Variants in AKAP6 observed in about 807,000 individuals in gnomAD.
AKAP6 encodes A-kinase anchor protein 6.
AKAP6 carries 58 observed loss-of-function variants against 188.5 expected under a neutral mutation model. That is an observed-to-expected ratio of 0.31 (90% confidence interval 0.25 to 0.38). The LOEUF (loss-of-function observed/expected upper bound fraction) is 0.38. Among genes scored for constraint, AKAP6 ranks in the 10% least tolerant of loss-of-function variants. The pLI is 1.00. For synonymous variants in AKAP6, 989 were observed against 998.6 expected, an observed-to-expected ratio of 0.99 and a Z score of 0.18; for missense variants, 2,710 against 2,740.0, an observed-to-expected ratio of 0.99 and a Z score of 0.24.
intron 2 of AKAP6, among the ~76,000 whole-genome samples, chr14:32,463,917 C>G (rs1878233194): frequency 1.3e-5 from 2 of 152,096 alleles, no homozygotes. Context: ...GGGATATAAC[C>G]ACTGATCCCA....
At chr14:32,797,559 A>T (rs60535335) in intron 12 of AKAP6, among the ~76,000 whole-genome samples, 1 of 151,994 alleles carries the variant, frequency 6.6e-6, no homozygotes, top group Non-Finnish European at 1.5e-5. Flanking sequence ...GGGAGCTAAA[A>T]GGCTAAATGA....
rs1476745735 is a variant in AKAP6, at chr14:32,821,892, C to T, written c.4079C>T (p.Ser1360Leu). ...CATGGAGGAGACATGAGCCAGAATT[C>T]AGGCAGTGAGAGTGGAATTGTCAGT... Reference protein sequence around the residue: ...ACHGGDMSQNSGSESGIVSEG... With the variant: ...ACHGGDMSQNLGSESGIVSEG... The change falls in exon 13 of 14, where the codon TCA (serine) becomes TTA (leucine). Residue 1360 changes from serine to leucine, a missense_variant. Coordinates refer to ENST00000280979, the MANE Select transcript of AKAP6 (RefSeq NM_004274.5). 3 of 1,613,778 alleles carry T rather than the reference C, an allele frequency of 1.9e-6. No individual in the cohort carries two copies. Among genetic ancestry groups the T allele is most frequent in the Non-Finnish European group, 2.5e-6 (3 of 1,179,948 alleles).
At chr14:32,383,504 G>T (rs1323604540) in intron 1 of AKAP6, among the ~76,000 whole-genome samples, 1 of 152,128 alleles carries the variant, frequency 6.6e-6, no homozygotes, top group Admixed American at 6.6e-5. Context: ...GCCCATCCCA[G>T]AAAATTCAGT....
chr14:32,807,847 T>C (rs2140106795), intron 12 of AKAP6, among the ~76,000 whole-genome samples: 1 of 152,370 alleles, frequency 6.6e-6, no homozygotes, highest in Non-Finnish European at 1.5e-5. Context: ...TCCTTAACTA[T>C]TAAACTTTAG....
intron 5 of AKAP6, among the ~76,000 whole-genome samples, chr14:32,598,912 C>G (rs181418463): frequency 6.6e-6 from 1 of 152,246 alleles, no homozygotes; most frequent in Admixed American, 6.5e-5. Flanking sequence ...AGTGCAACAC[C>G]TGAATCTCCA....
chr14:32,813,400 C>G lies in AKAP6; in HGVS notation c.3589-8002C>G, dbSNP rs1381817084. Among the ~76,000 whole-genome samples, 53 of 124,786 alleles carry G rather than the reference C, an allele frequency of 4.2e-4. 4 individuals are homozygous for G. The highest frequency in any genetic ancestry group is 1.8e-3 in the East Asian group (6 of 3,394). 81.9% of individuals were successfully genotyped at this position (124,786 alleles called of 152,430 possible). A position where few individuals can be genotyped will look rare whatever the true frequency, so the allele number is the denominator to read the frequency against. On this transcript the variant is annotated intron_variant, in intron 12 of 13. Coordinates refer to ENST00000280979, the MANE Select transcript of AKAP6 (RefSeq NM_004274.5). The stretch of plus-strand genomic sequence containing the variant: ...TCATCTCTAACCCTACCCCCCCCCC[C>G]AACCCCTTTCCCAGAGGTCCTTCGG...
chr14:32,514,149 G>A lies in AKAP6; in HGVS notation c.325-21405G>A, dbSNP rs116767535. Among the ~76,000 whole-genome samples the A allele has an allele frequency of 9.4e-3, 1,436 of 152,244 alleles. 26 individuals are homozygous for A. Among genetic ancestry groups the A allele is most frequent in the African/African-American group, 0.032 (1,337 of 41,536 alleles). On this transcript the variant is annotated intron_variant, in intron 2 of 13. Coordinates refer to ENST00000280979, the MANE Select transcript of AKAP6 (RefSeq NM_004274.5). The stretch of plus-strand genomic sequence containing the variant: ...CGACAGCTTGCCTTCCCATCTACCC[G>A]ATATGAAAGAATGATACTGGCTTCA...
chr14:32,371,687 AG>A (rs1888011844), intron 1 of AKAP6, among the ~76,000 whole-genome samples: 1 of 152,184 alleles, frequency 6.6e-6, no homozygotes, highest in African/African-American at 2.4e-5. Flanking sequence ...AGGTGAGAAA[AG>A]CTTCATGAAA....
chr14:32,732,581 A>T lies in AKAP6; in HGVS notation c.3128A>T (p.Glu1043Val). Reference protein sequence around the residue: ...DLLEKVDSINEKWELLGKTLG... With the variant: ...DLLEKVDSINVKWELLGKTLG... ...CTTGAAAAAGTGGATTCAATTAATG[A>T]AAAATGGGAACTGCTTGGGGTATTT... Residue 1043 changes from glutamate to valine, a missense_variant, in exon 10 of 14, where the codon GAA (glutamate) becomes GTA (valine). Around this residue, in one of 2 missense-constraint regions of AKAP6, gnomAD observed 2,473 missense variants for 2,426.1 expected, o/e 1.02. Transcript: ENST00000280979. 1 of 1,613,626 alleles carries T rather than the reference A, an allele frequency of 6.2e-7. No individual in the cohort carries two copies. The highest frequency in any genetic ancestry group is 8.5e-7 in the Non-Finnish European group (1 of 1,179,712).
intron 11 of AKAP6, among the ~76,000 whole-genome samples, chr14:32,757,468 A>G (rs545727748): frequency 6.6e-6 from 1 of 152,352 alleles, no homozygotes; most frequent in African/African-American, 2.4e-5. Context: ...CTGTTGGATC[A>G]GCCCAGGCTC....
intron 11 of AKAP6, among the ~76,000 whole-genome samples, chr14:32,762,645 A>G (rs1199082073): frequency 6.6e-6 from 1 of 152,102 alleles, no homozygotes; most frequent in Non-Finnish European, 1.5e-5. Flanking sequence ...CCCCTTTCCA[A>G]GTAAAATTAA....
intron 1 of AKAP6, among the ~76,000 whole-genome samples, chr14:32,416,369 C>A (rs1889658208): frequency 6.6e-6 from 1 of 152,000 alleles, no homozygotes; most frequent in Non-Finnish European, 1.5e-5. Flanking sequence ...TTTATTTGCC[C>A]ATTTTTGAAT....
chr14:32,443,173 A>T lies in AKAP6; in HGVS notation c.324+9356A>T, dbSNP rs900224619. 5.9e-5 allele frequency among the ~76,000 whole-genome samples: 9 copies of T among 152,114 alleles called. No homozygotes were observed. In the East Asian group the frequency reaches 1.6e-3, roughly 26 times the overall value. ...TACTTTGGGCGGCCGAGGCAGGTGGATCACAAAGTCAGGAGTTCAAGACCA... is the reference window on the plus strand; with the variant it reads ...TACTTTGGGCGGCCGAGGCAGGTGGTTCACAAAGTCAGGAGTTCAAGACCA... On this transcript the variant is annotated intron_variant, in intron 2 of 13. Coordinates refer to ENST00000280979, the MANE Select transcript of AKAP6 (RefSeq NM_004274.5).
At chr14:32,696,188 A>G (rs1890395797) in intron 9 of AKAP6, 78 bp downstream of exon 9, 1 of 1,503,482 alleles carries the variant, frequency 6.7e-7, no homozygotes, top group African/African-American at 1.4e-5. Context: ...CTCTCTCAGG[A>G]TATCTTTTCG....
intron 12 of AKAP6, chr14:32,774,110 A>C (rs772187078): frequency 2.5e-5 from 14 of 565,454 alleles, no homozygotes; most frequent in Non-Finnish European, 4.4e-5. Flanking sequence ...TAACACTGAC[A>C]TTTATTTGCT....
intron 12 of AKAP6, among the ~76,000 whole-genome samples, chr14:32,787,157 G>A (rs1041350982): frequency 1.3e-5 from 2 of 152,052 alleles, no homozygotes; most frequent in East Asian, 1.9e-4. Flanking sequence ...AGAGTTCTAA[G>A]AACTCGAGGA....
chr14:32,425,598 A>AAAGGAGGG (rs1235999119), intron 1 of AKAP6, among the ~76,000 whole-genome samples: 1 of 151,632 alleles, frequency 6.6e-6, no homozygotes, highest in African/African-American at 2.4e-5. Context: ...AGAGAAAGAG[A>AAAGGAGGG]AAGGAGGGAA....
rs573271069 is a variant in AKAP6 at position 32,649,404 on chromosome 14, CTAT to C, written c.2731-28903_2731-28901del. Among the ~76,000 whole-genome samples, 219 of 152,192 alleles carry C rather than the reference CTAT, an allele frequency of 1.4e-3. 1 individual carries two copies. Among genetic ancestry groups the C allele is most frequent in the Non-Finnish European group, 2.0e-3 (133 of 67,984 alleles). On this transcript the variant is annotated intron_variant, in intron 7 of 13. Transcript: ENST00000280979. ...GTTTAACCTATTCTCTACCATTTTC[CTAT>C]TATGTATGCCGATTGGCAGGAGAAA...
Position 32,392,855 on chromosome 14 carries a change from TAATA to T in AKAP6, c.-34-40598_-34-40595del, listed in dbSNP as rs551305839. Among the ~76,000 whole-genome samples, 71 of 152,272 alleles carry T rather than the reference TAATA, an allele frequency of 4.7e-4. No individual in the cohort carries two copies. In the South Asian group the frequency reaches 6.4e-3, roughly 14 times the overall value. ...ATCCATGAGTTTGTAGGGTTAAAATTAATAAATAAACTGGGAGAATGGAGATTTC... is the reference window on the plus strand; with the variant it reads ...ATCCATGAGTTTGTAGGGTTAAAATTAATAAACTGGGAGAATGGAGATTTC... On this transcript the variant is annotated intron_variant, in intron 1 of 13. Coordinates refer to ENST00000280979, the MANE Select transcript of AKAP6 (RefSeq NM_004274.5).
Sources: allele counts gnomAD v4.1 joint callset (sites outside exome capture counted in the v4.1 genomes callset), GRCh38; gene constraint gnomAD v4.1.1; regional missense constraint gnomAD v4.1.1; transcripts MANE v1.5; gene names NCBI Gene and HGNC (gene_info 2026-07-23, HGNC 2026-07-21).